ARHGAP10: variants seen among roughly 807,000 people sequenced by gnomAD.
ARHGAP10 encodes rho GTPase-activating protein 10.
A neutral mutation model predicts 108.6 loss-of-function variants in ARHGAP10; 87 were observed. That is an observed-to-expected ratio of 0.80 (90% CI 0.67 to 0.96). The LOEUF is 0.96. Among genes scored for constraint, ARHGAP10 ranks in the 40% least tolerant of loss-of-function variants. The probability of loss-of-function intolerance (pLI) is 0.00; values close to 1 mark genes in which losing one functional copy is unlikely to be tolerated. For missense variants in ARHGAP10, 939 were observed against 954.5 expected, an observed-to-expected ratio of 0.98 and a Z score of 0.21; for synonymous variants, 347 against 341.1, an observed-to-expected ratio of 1.02 and a Z score of -0.19.
intron 13 of ARHGAP10, among the ~76,000 whole-genome samples, chr4:147,937,022 A>C (rs1296846957): frequency 6.6e-6 from 1 of 152,182 alleles, no homozygotes; most frequent in Non-Finnish European, 1.5e-5. Flanking sequence ...ACTCCTTATG[A>C]GAATCTAATA....
intron 4 of ARHGAP10, among the ~76,000 whole-genome samples, chr4:147,847,947 G>A (rs1390112166): frequency 3.3e-5 from 5 of 152,194 alleles, no homozygotes; most frequent in Non-Finnish European, 5.9e-5. Context: ...TTTTGTGTAT[G>A]TACTTGAGAA....
At chr4:147,861,714 TTCC>T (rs1253886239) in intron 5 of ARHGAP10, 1 of 152,262 alleles carries the variant, frequency 6.6e-6, no homozygotes, top group Non-Finnish European at 1.5e-5. Context: ...CATAGCTCCT[TTCC>T]ACAGGCAGGT....
intron 13 of ARHGAP10, among the ~76,000 whole-genome samples, chr4:147,936,675 G>GTCTC (rs1737961654): frequency 2.0e-5 from 3 of 152,166 alleles, no homozygotes; most frequent in African/African-American, 7.2e-5. Context: ...AGGAAGGTGT[G>GTCTC]TCTCTGATGC....
At chr4:147,850,140 G>A (rs1438014440) in intron 4 of ARHGAP10, among the ~76,000 whole-genome samples, 1 of 152,168 alleles carries the variant, frequency 6.6e-6, no homozygotes, top group African/African-American at 2.4e-5. Flanking sequence ...CTGTAAAAAT[G>A]CACCAATCAG....
At chr4:147,927,977 G>A (rs41435251) in intron 13 of ARHGAP10, among the ~76,000 whole-genome samples, 4,810 of 152,282 alleles carry the variant, frequency 0.032, 259 homozygotes, top group African/African-American at 0.11. Flanking sequence ...CACTTTGCCA[G>A]TAGCTTGGGT....
intron 15 of ARHGAP10, among the ~76,000 whole-genome samples, chr4:147,954,473 C>T (rs779127336): frequency 1.3e-4 from 19 of 151,828 alleles, no homozygotes; most frequent in South Asian, 2.1e-4. Flanking sequence ...GCAATATTCT[C>T]GGCTTTGCAT....
At chr4:147,959,154 G>T (rs1337845408) in intron 16 of ARHGAP10, among the ~76,000 whole-genome samples, 1 of 151,916 alleles carries the variant, frequency 6.6e-6, no homozygotes, top group Non-Finnish European at 1.5e-5. Context: ...ACATAGAAAT[G>T]ATTGCGAATA....
At chr4:147,787,975 T>A (rs928367968) in intron 1 of ARHGAP10, among the ~76,000 whole-genome samples, 2 of 152,150 alleles carry the variant, frequency 1.3e-5, no homozygotes, top group African/African-American at 4.8e-5. Flanking sequence ...GCTAAGAATT[T>A]AAAACCCAAA....
chr4:147,905,709 G>A (rs564043772), intron 10 of ARHGAP10, among the ~76,000 whole-genome samples: 66 of 148,488 alleles, frequency 4.4e-4, no homozygotes, highest in South Asian at 1.8e-3. Flanking sequence ...TTGACTTGGC[G>A]ATGTGGGCTC....
Position 148,055,021 on chromosome 4 carries a change from A to G in ARHGAP10, c.2027+7970A>G, listed in dbSNP as rs1729301571. On this transcript the variant is annotated intron_variant, in intron 20 of 22. Transcript: ENST00000336498. ...CCCTAATTTTCTGAAATGAAGTTACAGTTCCTTTTCTGTTCAACTAGCAAG... is the reference window on the plus strand; with the variant it reads ...CCCTAATTTTCTGAAATGAAGTTACGGTTCCTTTTCTGTTCAACTAGCAAG... 2.6e-5 allele frequency among the ~76,000 whole-genome samples: 4 copies of G among 152,320 alleles called. 1 individual carries two copies. The South Asian group carries it at 8.3e-4, about 32-fold the overall frequency.
intron 1 of ARHGAP10, among the ~76,000 whole-genome samples, chr4:147,754,599 TACTG>T (rs1177646472): frequency 1.3e-5 from 2 of 152,196 alleles, no homozygotes; most frequent in Admixed American, 6.5e-5. Flanking sequence ...ATATTCAACA[TACTG>T]AATGTAATTG....
At chr4:147,895,106 A>G (rs1735936045) in intron 10 of ARHGAP10, among the ~76,000 whole-genome samples, 1 of 152,112 alleles carries the variant, frequency 6.6e-6, no homozygotes, top group African/African-American at 2.4e-5. Flanking sequence ...CCATTTATTT[A>G]GACTTTCCAT....
chr4:147,844,303 T>TCCA (rs1436601826), intron 3 of ARHGAP10, among the ~76,000 whole-genome samples: 4 of 152,214 alleles, frequency 2.6e-5, no homozygotes, highest in African/African-American at 9.7e-5. Context: ...AAATAGGGTA[T>TCCA]CCATCCGTTC....
At chr4:148,044,691 G>A (rs1685847874) in intron 19 of ARHGAP10, among the ~76,000 whole-genome samples, 1 of 152,212 alleles carries the variant, frequency 6.6e-6, no homozygotes, top group South Asian at 2.1e-4. Flanking sequence ...GCTGGGGAAA[G>A]CTGGAGGCCA....
intron 10 of ARHGAP10, among the ~76,000 whole-genome samples, chr4:147,885,938 A>C (rs1735532617): frequency 6.6e-6 from 1 of 152,206 alleles, no homozygotes; most frequent in Non-Finnish European, 1.5e-5. Flanking sequence ...CAAATGCAAA[A>C]ATTTTTTAGC....
intron 7 of ARHGAP10, among the ~76,000 whole-genome samples, chr4:147,870,507 G>A (rs1263805793): frequency 6.6e-6 from 1 of 150,516 alleles, no homozygotes; most frequent in African/African-American, 2.4e-5. Context: ...ATTTAAAAGC[G>A]AAAACCTATT....
In ARHGAP10 at chr4:147,946,067, T is replaced by G. The variant is rs577359481; in HGVS notation, c.1304-550T>G. Among the ~76,000 whole-genome samples the G allele has an allele frequency of 5.9e-5, 9 of 152,300 alleles. No homozygotes were observed. The South Asian group carries it at 1.9e-3, about 32-fold the overall frequency. On this transcript the variant is annotated intron_variant, in intron 14 of 22. Transcript: ENST00000336498. ...ATTGATTTATTTCCCTTTCTAAGCATGTGTTAAAAGACCGAAATTTTTACC... is the reference window on the plus strand; with the variant it reads ...ATTGATTTATTTCCCTTTCTAAGCAGGTGTTAAAAGACCGAAATTTTTACC...
chr4:148,023,039 C>T, intron 18 of ARHGAP10: 1 of 453,456 alleles, frequency 2.2e-6, no homozygotes, highest in South Asian at 4.4e-5. Context: ...ATATAACAAT[C>T]TGATGTTGTT....
chr4:147,761,950 C>G (rs1729607234), intron 1 of ARHGAP10, among the ~76,000 whole-genome samples: 1 of 152,204 alleles, frequency 6.6e-6, no homozygotes, highest in Admixed American at 6.5e-5. Context: ...CTCTACTTTT[C>G]ATGCTTACAC....
Sources: allele counts gnomAD v4.1 joint callset (sites outside exome capture counted in the v4.1 genomes callset), GRCh38; gene constraint gnomAD v4.1.1; transcripts MANE v1.5; gene names NCBI Gene and HGNC (gene_info 2026-07-23, HGNC 2026-07-21).